Variants in GREB1 observed in about 807,000 individuals in gnomAD.
GREB1 encodes growth regulating estrogen receptor binding 1.
GREB1 carries 106 observed loss-of-function variants against 200.7 expected under a neutral mutation model. The observed-to-expected ratio is 0.53, with a 90% CI of 0.45 to 0.62. GREB1 has a LOEUF of 0.62. Ranked by LOEUF, GREB1 falls within the 20% of genes least tolerant of loss-of-function variation. The pLI, the probability that GREB1 is intolerant of heterozygous loss-of-function variation, is 0.00. For synonymous variants in GREB1, 1,132 were observed against 1,092.4 expected (o/e 1.04, Z -0.72); for missense variants, 2,243 against 2,556.8 (o/e 0.88, Z 2.65).
At chr2:11,550,402 G>A (rs897265547) in intron 1 of GREB1, among the ~76,000 whole-genome samples, 1 of 152,180 alleles carries the variant, frequency 6.6e-6, no homozygotes, top group Non-Finnish European at 1.5e-5. Context: ...AAGGGACATT[G>A]CGTCATTTGA....
At chr2:11,606,758 C>CATTATTATTATTATTATTATT (rs3035992) in intron 17 of GREB1, among the ~76,000 whole-genome samples, 6 of 143,354 alleles carry the variant, frequency 4.2e-5, no homozygotes, top group African/African-American at 1.3e-4. Flanking sequence ...ATTTTAGTTT[C>CATTATTATTATTATTATTATT]ATTATTATTA....
chr2:11,587,557 AGT>A (rs1680246816), intron 9 of GREB1: 10 of 1,526,656 alleles, frequency 6.6e-6, no homozygotes, highest in Non-Finnish European at 8.9e-6. Context: ...CTTGAGAAGC[AGT>A]GTCTTTGAGA....
intron 2 of GREB1, among the ~76,000 whole-genome samples, chr2:11,559,914 C>T (rs1676822999): frequency 6.6e-6 from 1 of 152,294 alleles, no homozygotes; most frequent in South Asian, 2.1e-4. Flanking sequence ...ATCAGGAGTT[C>T]CTGAGTCACC....
chr2:11,565,783 T>C lies in GREB1; in HGVS notation c.278-697T>C, dbSNP rs116459415. Among the ~76,000 whole-genome samples the C allele has an allele frequency of 1.5e-3, 234 of 152,296 alleles. 1 individual carries two copies. Among genetic ancestry groups the C allele is most frequent in the African/African-American group, 5.2e-3 (216 of 41,576 alleles). ...ATGACCCCCTAGCGGAAACTGACGCTATCAGATTCTCAGCCTTCGTTTTTC... is the reference window on the plus strand; with the variant it reads ...ATGACCCCCTAGCGGAAACTGACGCCATCAGATTCTCAGCCTTCGTTTTTC... On this transcript the variant is annotated intron_variant, in intron 3 of 32. Transcript: ENST00000381486.
chr2:11,556,720 A>G lies in GREB1; in HGVS notation c.106A>G (p.Ile36Val). 1.2e-6 allele frequency: 2 copies of G among 1,614,160 alleles called. No individual in the cohort carries two copies. Among genetic ancestry groups the G allele is most frequent in the Middle Eastern group, 1.7e-4 (1 of 6,054 alleles). Residue 36 changes from isoleucine to valine, a missense_variant, in exon 2 of 33, where the codon ATC (isoleucine) becomes GTC (valine). Ile to Val is a conservative substitution (Grantham distance 29, BLOSUM62 3). Transcript: ENST00000381486. Reference sequence around the variant, plus strand: ...GTCCAACAACCTGGTGCCCAGGCCCATCTTTTCCCAGCTGTACCTGGAAGC... The same window carrying G: ...GTCCAACAACCTGGTGCCCAGGCCCGTCTTTTCCCAGCTGTACCTGGAAGC... Reference protein sequence around the residue: ...LRSNNLVPRPIFSQLYLEAEQ... With the variant: ...LRSNNLVPRPVFSQLYLEAEQ...
chr2:11,598,217 C>G (rs72772084), intron 14 of GREB1, among the ~76,000 whole-genome samples: 2 of 152,358 alleles, frequency 1.3e-5, no homozygotes, highest in Non-Finnish European at 2.9e-5. Flanking sequence ...GTGACCTAAC[C>G]ACATGTTGCT....
chr2:11,610,891 C>T lies in GREB1; in HGVS notation c.2870C>T (p.Ser957Leu), dbSNP rs889402087. ...ATGGTCCTGCTGCGGGTGCCCTGTT[C>T]GCCCCTGGCGGTGGTGGCCTATGAG... ...GLMVLLRVPC[S>L]PLAVVAYERL... Residue 957 changes from serine to leucine, a missense_variant, in exon 18 of 33, where the codon TCG (serine) becomes TTG (leucine). Physicochemically the swap from Ser to Leu is moderately radical, Grantham distance 145. This residue lies in a region of GREB1 where 1,178 missense variants were observed against 1,387.4 expected (regional missense o/e 0.85). Transcript: ENST00000381486. 1.9e-5 allele frequency: 30 copies of T among 1,612,946 alleles called. No individual in the cohort carries two copies. Among genetic ancestry groups the T allele is most frequent in the Admixed American group, 3.3e-5 (2 of 59,986 alleles).
intron 1 of GREB1, among the ~76,000 whole-genome samples, chr2:11,502,323 C>G (rs1166220815): frequency 6.6e-6 from 1 of 151,012 alleles, no homozygotes; most frequent in Non-Finnish European, 1.5e-5. Context: ...CTGGCTCAAG[C>G]AATCCTCTCA....
chr2:11,588,411 AT>A, intron 9 of GREB1: 1 of 541,960 alleles, frequency 1.8e-6, no homozygotes, highest in Non-Finnish European at 2.9e-6. Flanking sequence ...AAGGTGTCCC[AT>A]TGGTGGTGCT....
intron 2 of GREB1, among the ~76,000 whole-genome samples, chr2:11,560,486 A>G (rs1387091799): frequency 6.6e-6 from 1 of 152,130 alleles, no homozygotes; most frequent in Non-Finnish European, 1.5e-5. Context: ...GGATCACCTG[A>G]GATCAGGAGT....
At chr2:11,554,381 G>A (rs945553159) in intron 1 of GREB1, among the ~76,000 whole-genome samples, 7 of 152,164 alleles carry the variant, frequency 4.6e-5, no homozygotes, top group Non-Finnish European at 8.8e-5. Context: ...CAATAGGGGC[G>A]GGAAATCAAC....
At chr2:11,605,371 G>T (rs756144058) in intron 17 of GREB1, among the ~76,000 whole-genome samples, 1 of 151,436 alleles carries the variant, frequency 6.6e-6, no homozygotes, top group African/African-American at 2.4e-5. Flanking sequence ...AATTACAGGC[G>T]CTTGCCACCA....
At chr2:11,529,568 C>T (rs1323891036), upstream of GREB1, among the ~76,000 whole-genome samples, 1 of 152,134 alleles carries the variant, frequency 6.6e-6, no homozygotes, top group African/African-American at 2.4e-5. Flanking sequence ...TAGTGTGAGC[C>T]CCCTGGAGTT....
At chr2:11,583,261 A>G (rs1473823915) in intron 7 of GREB1, among the ~76,000 whole-genome samples, 1 of 152,134 alleles carries the variant, frequency 6.6e-6, no homozygotes, top group Non-Finnish European at 1.5e-5. Flanking sequence ...TTGGTCGTTC[A>G]GTAGAGCTTT....
At chr2:11,511,779 A>G (rs1396868817) in intron 1 of GREB1, among the ~76,000 whole-genome samples, 1 of 152,144 alleles carries the variant, frequency 6.6e-6, no homozygotes, top group African/African-American at 2.4e-5. Context: ...TTTGCCCTGT[A>G]TTTTAGACAC....
intron 1 of GREB1, among the ~76,000 whole-genome samples, chr2:11,503,600 G>A (rs565052388): frequency 1.6e-4 from 24 of 152,266 alleles, no homozygotes; most frequent in African/African-American, 5.8e-4. Flanking sequence ...TCGCTAGCGT[G>A]GCCAGACTAA....
At position 11,611,009 on chromosome 2, in the gene GREB1, C is replaced by T. The variant is rs763641669; in HGVS notation, c.2988C>T (p.His996=). 1 of 1,593,480 alleles carries T rather than the reference C, an allele frequency of 6.3e-7. No individual in the cohort carries two copies. The highest frequency in any genetic ancestry group is 1.1e-5 in the South Asian group (1 of 88,410). Residue 996 remains histidine (H), a synonymous_variant, in exon 18 of 33, where the codon CAC becomes CAT. Transcript: ENST00000381486. ...GCTCAGGCGTCACCGTGGGGAAGCA[C>T]TTCGTAAAGCAGCTCAGGGTAGGTG... is the stretch of plus-strand genomic sequence containing the variant. ...SPSSGVTVGK[H]FVKQLRMWQK...
At chr2:11,483,194 G>T (rs1349583911) in intron 1 of GREB1, among the ~76,000 whole-genome samples, 4 of 151,382 alleles carry the variant, frequency 2.6e-5, no homozygotes, top group East Asian at 2.0e-4. Flanking sequence ...TGTGCGCGCG[G>T]GTATAGGTGT....
At chr2:11,501,802 G>A (rs1320460887) in intron 1 of GREB1, among the ~76,000 whole-genome samples, 2 of 141,940 alleles carry the variant, frequency 1.4e-5, no homozygotes, top group African/African-American at 5.2e-5. Context: ...TCCTTGCTAT[G>A]TTTTGTTAAT....
Sources: allele counts gnomAD v4.1 joint callset (sites outside exome capture counted in the v4.1 genomes callset), GRCh38; gene constraint gnomAD v4.1.1; regional missense constraint gnomAD v4.1.1; transcripts MANE v1.5; gene names NCBI Gene and HGNC (gene_info 2026-07-23, HGNC 2026-07-21).